The following TBX15 variants were observed in gnomAD, a reference collection of about 807,000 sequenced individuals.
TBX15 encodes the protein T-box transcription factor TBX15.
A neutral mutation model predicts 53.9 loss-of-function variants in TBX15; 18 were observed. The ratio of observed to expected loss-of-function variants is 0.33; its 90% CI spans 0.23 to 0.49. The LOEUF (loss-of-function observed/expected upper bound fraction) is 0.49. Among genes scored for constraint, TBX15 ranks in the 20% least tolerant of loss-of-function variants. The pLI, the probability that TBX15 is intolerant of heterozygous loss-of-function variation, is 0.98. For synonymous variants in TBX15, 295 were observed against 278.0 expected (o/e 1.06, Z -0.61); for missense variants, 692 against 749.5 (o/e 0.92, Z 0.90).
At chr1:118,897,321 T>C (rs898512836) in intron 7 of TBX15, among the ~76,000 whole-genome samples, 3 of 152,138 alleles carry the variant, frequency 2.0e-5, no homozygotes, top group Non-Finnish European at 4.4e-5. Context: ...TCACTATTCA[T>C]TGGGTACGTA....
intron 1 of TBX15, among the ~76,000 whole-genome samples, chr1:118,964,976 G>A (rs1287215807): frequency 1.3e-5 from 2 of 152,250 alleles, no homozygotes; most frequent in Non-Finnish European, 2.9e-5. Flanking sequence ...GGTCTCAGCA[G>A]GTTGCCCTGC....
chr1:118,923,302 A>G, intron 5 of TBX15, 134 bp downstream of exon 5: 1 of 1,133,796 alleles, frequency 8.8e-7, no homozygotes, highest in South Asian at 1.3e-5. Flanking sequence ...CTAACACTGT[A>G]TAGTACTTAA....
chr1:118,921,618 C>T (rs1655426915), intron 5 of TBX15, among the ~76,000 whole-genome samples: 1 of 152,156 alleles, frequency 6.6e-6, no homozygotes, highest in Non-Finnish European at 1.5e-5. Flanking sequence ...GACTAAAACC[C>T]AGGTCTCCAA....
chr1:118,893,594 G>A (rs1445988073), intron 7 of TBX15, among the ~76,000 whole-genome samples: 1,594 of 121,646 alleles, frequency 0.013, 101 homozygotes, highest in African/African-American at 0.071. Context: ...AAGGAAGGAA[G>A]GAAGGAAAGA....
Position 118,959,024 on chromosome 1 carries a change from CAGAGAG to C in TBX15, c.206-27198_206-27193del, listed in dbSNP as rs10563585. Among the ~76,000 whole-genome samples, 1,259 of 144,370 alleles carry C rather than the reference CAGAGAG, an allele frequency of 8.7e-3. 8 individuals carry two copies. Among genetic ancestry groups the C allele is most frequent in the Middle Eastern group, 0.014 (4 of 282 alleles). The allele number at this position is 144,370 out of a possible 152,430, so 94.7% of individuals were successfully genotyped here. Reference sequence around the variant, plus strand: ...TAGTGGTCATCAGAAGGTATAATATCAGAGAGAGAGAGAGAGAGAGAGAGAGAGAGT... The same window carrying C: ...TAGTGGTCATCAGAAGGTATAATATCAGAGAGAGAGAGAGAGAGAGAGAGT... On this transcript the variant is annotated intron_variant, in intron 1 of 7. Coordinates refer to ENST00000369429, the MANE Select transcript of TBX15 (RefSeq NM_001330677.2).
chr1:118,898,946 G>C (rs1654518981), intron 7 of TBX15, 82 bp downstream of exon 7: 8 of 1,389,784 alleles, frequency 5.8e-6, no homozygotes, highest in Non-Finnish European at 7.1e-6. Context: ...CTTGGCCTGA[G>C]GCCAGATGTG....
intron 5 of TBX15, among the ~76,000 whole-genome samples, chr1:118,918,864 C>T (rs1655333047): frequency 1.3e-5 from 2 of 152,194 alleles, no homozygotes; most frequent in Admixed American, 6.5e-5. Context: ...TTTTACAGCA[C>T]GAAGGCTGAA....
chr1:118,960,365 A>G (rs1204377565), intron 1 of TBX15, among the ~76,000 whole-genome samples: 1 of 152,208 alleles, frequency 6.6e-6, no homozygotes, highest in Non-Finnish European at 1.5e-5. Flanking sequence ...AATGGAAACA[A>G]CTGGATGCAA....
intron 2 of TBX15, among the ~76,000 whole-genome samples, chr1:118,927,066 C>T (rs1380429200): frequency 6.6e-6 from 1 of 152,178 alleles, no homozygotes; most frequent in Non-Finnish European, 1.5e-5. Context: ...ATATCAAATT[C>T]TAATGTCCTC....
chr1:118,938,016 C>G (rs1186893689), intron 1 of TBX15, among the ~76,000 whole-genome samples: 1 of 152,088 alleles, frequency 6.6e-6, no homozygotes, highest in Non-Finnish European at 1.5e-5. Context: ...CAGATTTTAT[C>G]GAGTATCTTA....
At chr1:118,941,543 T>C (rs909751258) in intron 1 of TBX15, among the ~76,000 whole-genome samples, 2 of 152,188 alleles carry the variant, frequency 1.3e-5, no homozygotes, top group African/African-American at 4.8e-5. Context: ...TCCCGTTTAG[T>C]AAATATAACA....
At chr1:118,944,532 T>C (rs78496259) in intron 1 of TBX15, among the ~76,000 whole-genome samples, 7,001 of 152,284 alleles carry the variant, frequency 0.046, 205 homozygotes, top group Non-Finnish European at 0.062. Context: ...TTCAAGTGTG[T>C]CAGCAATTCA....
intron 2 of TBX15, among the ~76,000 whole-genome samples, chr1:118,930,416 G>GTTTA (rs1173163524): frequency 6.6e-6 from 1 of 152,008 alleles, no homozygotes; most frequent in African/African-American, 2.4e-5. Context: ...TTATTTGTTT[G>GTTTA]TTTATTTATT....
chr1:118,893,526 G>GA lies in TBX15; in HGVS notation c.1024+5501dup, dbSNP rs1310774688. Among the ~76,000 whole-genome samples the GA allele has an allele frequency of 3.0e-4, 36 of 120,680 alleles. 2 individuals are homozygous for GA. The South Asian group carries it at 4.4e-3, about 15-fold the overall frequency. The allele number at this position is 120,680 out of a possible 152,430, so 79.2% of individuals were successfully genotyped here. A position where few individuals can be genotyped will look rare whatever the true frequency, so the allele number is the denominator to read the frequency against. ...AGAAAGAAAGAAAGAAAGAAAGAAA[G>GA]AAGGAAAGAAAGATGGAAGGAAGGA... On this transcript the variant is annotated intron_variant, in intron 7 of 7. Transcript: ENST00000369429.
intron 1 of TBX15, among the ~76,000 whole-genome samples, chr1:118,955,820 G>A (rs1656671340): frequency 6.6e-6 from 1 of 152,150 alleles, no homozygotes; most frequent in Admixed American, 6.6e-5. Context: ...CCCTATGTGT[G>A]CCTCATGGAG....
rs1653809817 is a variant in TBX15, at chr1:118,883,722, G to GTCAAA, written c.*1009_*1010insTTTGA. On this transcript the variant is annotated 3_prime_UTR_variant, in exon 8 of 8. Coordinates refer to ENST00000369429, the MANE Select transcript of TBX15 (RefSeq NM_001330677.2). ...CTGGATCACAGTGGTCAAAGCTGTG[G>GTCAAA]GCTCAGGATGCATTCCTTGCTCTGT... The GTCAAA allele has an allele frequency of 6.6e-6, 1 of 152,192 alleles. No homozygotes were observed. Among genetic ancestry groups the GTCAAA allele is most frequent in the Non-Finnish European group, 1.5e-5 (1 of 68,088 alleles). 9.4% of individuals were successfully genotyped at this position (152,192 alleles called of 1,614,324 possible).
rs543067784 is a variant in TBX15 at position 118,883,318 on chromosome 1, C to T, written c.*1414G>A. On this transcript the variant is annotated 3_prime_UTR_variant, in exon 8 of 8. Coordinates refer to ENST00000369429, the MANE Select transcript of TBX15 (RefSeq NM_001330677.2). ...CACACCATTTAAAAATTTTAGCTTG[C>T]ACCAAGCTTCACTTGCTTTCTTACC... 2.0e-5 allele frequency: 3 copies of T among 152,668 alleles called. No individual in the cohort carries two copies. The South Asian group carries it at 6.2e-4, about 32-fold the overall frequency. 9.5% of individuals were successfully genotyped at this position (152,668 alleles called of 1,614,324 possible).
At position 118,900,229 on chromosome 1, in the gene TBX15, T is replaced by C. The variant is rs1654577346; in HGVS notation, c.927-1104A>G. ...TGGCATAAATCTTTTCATTGCAAGG[T>C]CACTGGAAGGTGGGTGGTATGGCAT... On this transcript the variant is annotated intron_variant, in intron 6 of 7. Coordinates refer to ENST00000369429, the MANE Select transcript of TBX15 (RefSeq NM_001330677.2). 2.6e-5 allele frequency among the ~76,000 whole-genome samples: 4 copies of C among 152,280 alleles called. No homozygotes were observed. In the South Asian group the frequency reaches 8.3e-4, roughly 32 times the overall value.
chr1:118,897,438 G>A (rs989881382), intron 7 of TBX15, among the ~76,000 whole-genome samples: 5 of 152,066 alleles, frequency 3.3e-5, no homozygotes, highest in Admixed American at 1.3e-4. Flanking sequence ...AACCTTCTCC[G>A]ACCAGCCTCC....
Sources: allele counts gnomAD v4.1 joint callset (sites outside exome capture counted in the v4.1 genomes callset), GRCh38; gene constraint gnomAD v4.1.1; transcripts MANE v1.5; gene names NCBI Gene and HGNC (gene_info 2026-07-23, HGNC 2026-07-21).